Variants in POU2F1 observed in about 807,000 individuals in gnomAD.
The protein encoded by POU2F1 is POU domain, class 2, transcription factor 1.
In POU2F1, 16 loss-of-function variants were observed where a neutral mutation model predicts 84.9. The observed-to-expected ratio is 0.19, with a 90% CI of 0.13 to 0.29. The LOEUF is 0.29. Among genes scored for constraint, POU2F1 ranks in the 10% least tolerant of loss-of-function variants. POU2F1 has a pLI of 1.00. For synonymous variants in POU2F1, 368 were observed against 368.3 expected (o/e 1.00, Z 0.01); for missense variants, 738 against 942.6 (o/e 0.78, Z 2.84).
chr1:167,393,395 G>C (rs1299186640), intron 9 of POU2F1, among the ~76,000 whole-genome samples: 2 of 152,108 alleles, frequency 1.3e-5, no homozygotes, highest in Non-Finnish European at 2.9e-5. Context: ...TTATTATCAT[G>C]GTTCTAGTTA....
At chr1:167,310,244 G>A (rs370062241) in intron 1 of POU2F1, among the ~76,000 whole-genome samples, 1 of 151,776 alleles carries the variant, frequency 6.6e-6, no homozygotes, top group African/African-American at 2.4e-5. Context: ...AGGAAAGGGG[G>A]GAAGGGAGAT....
At chr1:167,396,625 G>A (rs2101907623) in intron 10 of POU2F1, 198 bp downstream of exon 10, 1 of 565,918 alleles carries the variant, frequency 1.8e-6, no homozygotes, top group Admixed American at 3.4e-5. Flanking sequence ...AGTAATTACA[G>A]TATAAATAAT....
At chr1:167,258,529 A>G (rs1044786175) in intron 1 of POU2F1, among the ~76,000 whole-genome samples, 13 of 152,214 alleles carry the variant, frequency 8.5e-5, no homozygotes, top group Non-Finnish European at 1.2e-4. Flanking sequence ...CTATTTGTCT[A>G]TCAGTCAGTG....
At chr1:167,259,246 G>A (rs1282267103) in intron 1 of POU2F1, among the ~76,000 whole-genome samples, 1 of 152,146 alleles carries the variant, frequency 6.6e-6, no homozygotes, top group Non-Finnish European at 1.5e-5. Context: ...TGAGACTTAG[G>A]CTAGTAACAT....
chr1:167,340,148 T>A (rs183790353), intron 2 of POU2F1, among the ~76,000 whole-genome samples: 89 of 151,448 alleles, frequency 5.9e-4, no homozygotes, highest in African/African-American at 2.0e-3. Context: ...GGCACGATCC[T>A]GGCTCACTGC....
chr1:167,238,536 A>G (rs1480759935), intron 1 of POU2F1, among the ~76,000 whole-genome samples: 1 of 152,198 alleles, frequency 6.6e-6, no homozygotes. Context: ...ACACACCAAC[A>G]AATTTCAGAA....
At chr1:167,357,034 A>C (rs1298476055) in intron 2 of POU2F1, among the ~76,000 whole-genome samples, 1 of 152,166 alleles carries the variant, frequency 6.6e-6, no homozygotes, top group Non-Finnish European at 1.5e-5. Flanking sequence ...CCCTGCCTTC[A>C]ATTAACACTT....
intron 2 of POU2F1, among the ~76,000 whole-genome samples, chr1:167,346,067 T>TGG (rs112548254): frequency 3.3e-5 from 5 of 151,788 alleles, no homozygotes; most frequent in African/African-American, 1.2e-4. Flanking sequence ...CCCAGCTACT[T>TGG]GGGAGGCTAA....
chr1:167,295,973 T>G (rs1277996081), intron 1 of POU2F1, among the ~76,000 whole-genome samples: 1 of 152,186 alleles, frequency 6.6e-6, no homozygotes, highest in Non-Finnish European at 1.5e-5. Flanking sequence ...TGCTTTAATA[T>G]GTAAAAATCT....
chr1:167,341,955 C>A (rs1657889406), intron 2 of POU2F1, among the ~76,000 whole-genome samples: 1 of 152,124 alleles, frequency 6.6e-6, no homozygotes, highest in African/African-American at 2.4e-5. Context: ...TCTTTGACCA[C>A]CCCCAGTCGA....
chr1:167,300,550 C>T (rs1478785069), intron 1 of POU2F1, among the ~76,000 whole-genome samples: 4 of 152,142 alleles, frequency 2.6e-5, no homozygotes, highest in Non-Finnish European at 4.4e-5. Context: ...CTGCAACCTC[C>T]GCCTCCCAGG....
chr1:167,404,745 T>A (rs1649450436), intron 13 of POU2F1, among the ~76,000 whole-genome samples: 1 of 152,172 alleles, frequency 6.6e-6, no homozygotes. Context: ...TCTGTGAGGC[T>A]CCATCAGAGT....
intron 1 of POU2F1, among the ~76,000 whole-genome samples, chr1:167,228,770 T>C (rs1261052153): frequency 1.3e-5 from 2 of 152,258 alleles, no homozygotes; most frequent in Non-Finnish European, 2.9e-5. Context: ...ACTCTTTTTA[T>C]CTTGTTTTAT....
At position 167,415,584 on chromosome 1, in the gene POU2F1, A is replaced by G. The variant is rs145474237; in HGVS notation, c.2075A>G (p.Asn692Ser). 31 of 1,614,158 alleles carry G rather than the reference A, an allele frequency of 1.9e-5. No homozygotes were observed. Among genetic ancestry groups the G allele is most frequent in the Non-Finnish European group, 2.4e-5 (28 of 1,180,016 alleles). The stretch of plus-strand genomic sequence containing the variant: ...TTTGCCAATGCGGGAGGAGCCCCCA[A>G]CATCGTGACTGCCCCTCTGTTCCTG... Reference protein sequence around the residue: ...LVFANAGGAPNIVTAPLFLNP... With the variant: ...LVFANAGGAPSIVTAPLFLNP... Residue 692 changes from asparagine (N) to serine (S), a missense_variant, in exon 16 of 16, where the codon AAC (asparagine) becomes AGC (serine). By Grantham distance (46) the Asn-to-Ser change is conservative (BLOSUM62 1). Transcript: ENST00000367866.
intron 2 of POU2F1, among the ~76,000 whole-genome samples, chr1:167,343,748 T>G (rs1658020408): frequency 7.1e-6 from 1 of 141,502 alleles, no homozygotes; most frequent in African/African-American, 2.6e-5. Flanking sequence ...CTGGGAGAGA[T>G]GTGGTAGCAT....
intron 2 of POU2F1, among the ~76,000 whole-genome samples, chr1:167,335,753 T>C (rs1355570379): frequency 5.9e-5 from 9 of 152,214 alleles, no homozygotes; most frequent in Non-Finnish European, 1.3e-4. Flanking sequence ...ATATATACTT[T>C]ATGTCGTAAT....
chr1:167,265,478 A>G (rs970016520), intron 1 of POU2F1, among the ~76,000 whole-genome samples: 4 of 152,196 alleles, frequency 2.6e-5, no homozygotes, highest in Non-Finnish European at 5.9e-5. Flanking sequence ...AAACCAAGCA[A>G]TGTAGATGGC....
chr1:167,279,214 G>A (rs997274954), intron 1 of POU2F1, among the ~76,000 whole-genome samples: 4 of 152,300 alleles, frequency 2.6e-5, no homozygotes, highest in Admixed American at 6.5e-5. Flanking sequence ...TATAGCAAAC[G>A]TGAATAAAAA....
intron 12 of POU2F1, 82 bp downstream of exon 12, chr1:167,399,447 A>G: frequency 2.5e-6 from 3 of 1,207,628 alleles, no homozygotes; most frequent in Non-Finnish European, 3.5e-6. Flanking sequence ...AGTTTATTTC[A>G]TAATAGTAAT....
Sources: allele counts gnomAD v4.1 joint callset (sites outside exome capture counted in the v4.1 genomes callset), GRCh38; gene constraint gnomAD v4.1.1; transcripts MANE v1.5; gene names NCBI Gene and HGNC (gene_info 2026-07-23, HGNC 2026-07-21).